The following NFIB variants were observed in gnomAD, a reference collection of about 807,000 sequenced individuals.
The protein encoded by NFIB is nuclear factor 1 B-type.
A neutral mutation model predicts 61.5 loss-of-function variants in NFIB; 11 were observed. That is an observed-to-expected ratio of 0.18 (90% CI 0.11 to 0.30). The LOEUF is 0.30. NFIB is among the 10% of genes least tolerant of loss of function. The probability of loss-of-function intolerance (pLI) is 1.00; values close to 1 mark genes in which losing one functional copy is unlikely to be tolerated. For missense variants in NFIB, 471 were observed against 608.9 expected (o/e 0.77, Z 2.38); for synonymous variants, 260 against 216.5 (o/e 1.20, Z -1.76).
chr9:14,208,153 T>C (rs369846656), intron 2 of NFIB, among the ~76,000 whole-genome samples: 4 of 152,376 alleles, frequency 2.6e-5, no homozygotes, highest in African/African-American at 9.6e-5. Context: ...ATTTGTAATC[T>C]GATTTTAATG....
the NFIB span, among the ~76,000 whole-genome samples, chr9:14,425,708 C>T: frequency 6.8e-6 from 1 of 147,962 alleles, no homozygotes; most frequent in Non-Finnish European, 1.5e-5. Flanking sequence ...ATTGCCACAG[C>T]AAACCCAGAA....
chr9:14,285,967 T>C (rs1047946710), intron 2 of NFIB, among the ~76,000 whole-genome samples: 2 of 152,166 alleles, frequency 1.3e-5, no homozygotes, highest in African/African-American at 4.8e-5. Flanking sequence ...AACAAGATTT[T>C]AGATAGTACT....
the NFIB span, among the ~76,000 whole-genome samples, chr9:14,515,234 C>A: frequency 6.6e-6 from 1 of 151,874 alleles, no homozygotes; most frequent in African/African-American, 2.4e-5. Context: ...TAGGGAAGAC[C>A]CCGTGGGCAG....
chr9:14,491,799 C>T, the NFIB span, among the ~76,000 whole-genome samples: 1 of 152,046 alleles, frequency 6.6e-6, no homozygotes, highest in Non-Finnish European at 1.5e-5. Context: ...TCTATTTGCC[C>T]TACAAAATCT....
intron 2 of NFIB, among the ~76,000 whole-genome samples, chr9:14,297,266 G>C (rs980685582): frequency 6.6e-6 from 1 of 152,138 alleles, no homozygotes; most frequent in Non-Finnish European, 1.5e-5. Context: ...CCACATTGGC[G>C]CTGCCCCTGA....
the NFIB span, among the ~76,000 whole-genome samples, chr9:14,429,761 A>T: frequency 2.0e-3 from 305 of 152,290 alleles, 1 homozygote; most frequent in Non-Finnish European, 3.5e-3. Flanking sequence ...CACTGCTACC[A>T]TGGGGCCTGC....
chr9:14,412,318 C>A, the NFIB span, among the ~76,000 whole-genome samples: 7 of 152,260 alleles, frequency 4.6e-5, no homozygotes, highest in South Asian at 8.3e-4. Flanking sequence ...AGAAAAGGGA[C>A]CAAGTTGACT....
the NFIB span, among the ~76,000 whole-genome samples, chr9:14,458,679 C>G: frequency 1.3e-5 from 2 of 152,162 alleles, no homozygotes; most frequent in Non-Finnish European, 2.9e-5. Context: ...TCTCAGCATA[C>G]AAAATCAATG....
intron 1 of NFIB, among the ~76,000 whole-genome samples, chr9:14,329,098 A>G (rs2060789411): frequency 6.6e-6 from 1 of 152,086 alleles, no homozygotes; most frequent in African/African-American, 2.4e-5. Context: ...TTCCTCACTT[A>G]GATTTCTGAC....
chr9:14,458,896 T>C, the NFIB span, among the ~76,000 whole-genome samples: 4 of 151,936 alleles, frequency 2.6e-5, no homozygotes, highest in African/African-American at 9.6e-5. Context: ...GAATATTCCA[T>C]GCTCATGGAT....
intron 2 of NFIB, among the ~76,000 whole-genome samples, chr9:14,214,366 C>G (rs955208132): frequency 2.0e-5 from 3 of 152,236 alleles, no homozygotes; most frequent in African/African-American, 7.2e-5. Flanking sequence ...GCTCTTCTGT[C>G]ACCATCTTGA....
chr9:14,444,341 C>G, the NFIB span, among the ~76,000 whole-genome samples: 2 of 152,074 alleles, frequency 1.3e-5, no homozygotes, highest in African/African-American at 4.8e-5. Flanking sequence ...GATCATCAAA[C>G]CAGATATAGA....
the NFIB span, among the ~76,000 whole-genome samples, chr9:14,448,315 G>C: frequency 3.3e-5 from 5 of 152,134 alleles, no homozygotes; most frequent in African/African-American, 1.2e-4. Context: ...TCTTCATTAA[G>C]TTTGTATCTT....
the NFIB span, among the ~76,000 whole-genome samples, chr9:14,411,010 C>G: frequency 3.9e-5 from 6 of 152,130 alleles, no homozygotes; most frequent in East Asian, 9.6e-4. Context: ...TCAATTTTTA[C>G]CAAACCCCAC....
chr9:14,296,868 G>A (rs775837934), intron 2 of NFIB, among the ~76,000 whole-genome samples: 5 of 152,220 alleles, frequency 3.3e-5, no homozygotes, highest in Admixed American at 2.0e-4. Flanking sequence ...AAAATTCAAA[G>A]GATGACAGAA....
chr9:14,263,998 C>A (rs2056996495), intron 2 of NFIB, among the ~76,000 whole-genome samples: 1 of 152,128 alleles, frequency 6.6e-6, no homozygotes, highest in Admixed American at 6.6e-5. Flanking sequence ...CAGGGCAGAA[C>A]AATTGCCCAT....
chr9:14,167,148 C>G (rs1053131582), intron 3 of NFIB, among the ~76,000 whole-genome samples: 1 of 146,928 alleles, frequency 6.8e-6, no homozygotes, highest in Non-Finnish European at 1.5e-5. Context: ...AGACAGAAAA[C>G]AGATCAATAA....
At chr9:14,415,758 A>G in the NFIB span, among the ~76,000 whole-genome samples, 1 of 152,236 alleles carries the variant, frequency 6.6e-6, no homozygotes, top group Non-Finnish European at 1.5e-5. Context: ...GGTGTCCAAC[A>G]ATAGCTCCTT....
At chr9:14,135,088 A>T (rs1211023591) in intron 6 of NFIB, among the ~76,000 whole-genome samples, 1 of 152,134 alleles carries the variant, frequency 6.6e-6, no homozygotes, top group East Asian at 1.9e-4. Flanking sequence ...ATATACAATG[A>T]AATACTAACA....
Sources: gnomAD v4.1 joint callset for allele counts (sites outside exome capture counted in the v4.1 genomes callset) on GRCh38, gnomAD v4.1.1 for gene constraint, MANE v1.5 for transcripts, NCBI Gene and HGNC (gene_info 2026-07-23, HGNC 2026-07-21) for gene names.